Variants in ACOT13 observed in about 807,000 individuals in gnomAD.
ACOT13 encodes acyl-coenzyme A thioesterase 13.
ACOT13 carries 10 observed loss-of-function variants against 11.8 expected under a neutral mutation model. The observed-to-expected ratio is 0.85, with a 90% confidence interval of 0.53 to 1.44. The LOEUF (loss-of-function observed/expected upper bound fraction) is 1.44. ACOT13 is among the 40% of genes most tolerant of loss of function. The pLI is 0.00. For missense variants in ACOT13, 172 were observed against 174.1 expected, an observed-to-expected ratio of 0.99 and a Z score of 0.07; for synonymous variants, 53 against 61.0, an observed-to-expected ratio of 0.87 and a Z score of 0.61.
intron 1 of ACOT13, among the ~76,000 whole-genome samples, chr6:24,686,782 C>T (rs1448209083): frequency 6.6e-6 from 1 of 151,984 alleles, no homozygotes; most frequent in Non-Finnish European, 1.5e-5. Context: ...CTCACTGCAG[C>T]CTCAACCTCC....
rs898799126 is a variant in ACOT13 at position 24,703,935 on chromosome 6, CAT to C, written c.*2322_*2323del. 4 of 152,126 alleles carry C rather than the reference CAT, an allele frequency of 2.6e-5. No homozygotes were observed. The highest frequency in any genetic ancestry group is 7.2e-5 in the African/African-American group (3 of 41,418). 9.4% of individuals were successfully genotyped at this position (152,126 alleles called of 1,614,324 possible). A position where few individuals can be genotyped will look rare whatever the true frequency, so the allele number is the denominator to read the frequency against. On this transcript the variant is annotated 3_prime_UTR_variant, in exon 3 of 3. Coordinates refer to ENST00000230048, the MANE Select transcript of ACOT13 (RefSeq NM_018473.4). ...AAAAATTGCCCTGTACTCCAAAAAA[CAT>C]AGAGGTCATGGAACACATAAAGGCT...
At chr6:24,689,456 T>TA (rs1198457772) in intron 1 of ACOT13, among the ~76,000 whole-genome samples, 2 of 151,984 alleles carry the variant, frequency 1.3e-5, no homozygotes, top group Non-Finnish European at 2.9e-5. Context: ...ACCCCATCTC[T>TA]AAAAAAATTA....
rs563020332 is a variant in ACOT13, at chr6:24,685,332, C to CTTTTTTTTTTTTTTTTTTTT, written c.82-12538_82-12519dup. 1.7e-5 allele frequency among the ~76,000 whole-genome samples: 2 copies of CTTTTTTTTTTTTTTTTTTTT among 116,784 alleles called. 1 individual carries two copies. Among genetic ancestry groups the CTTTTTTTTTTTTTTTTTTTT allele is most frequent in the Non-Finnish European group, 3.6e-5 (2 of 55,534 alleles). 76.6% of individuals were successfully genotyped at this position (116,784 alleles called of 152,430 possible). Reference sequence around the variant, plus strand: ...ACATGGTCTCTTTCCTTTTACTGTACTTTTTTTTTTTTTTTTTTTTTTTTT... The same window carrying CTTTTTTTTTTTTTTTTTTTT: ...ACATGGTCTCTTTCCTTTTACTGTACTTTTTTTTTTTTTTTTTTTTTTTTTTTTTTTTTTTTTTTTTTTTT... On this transcript the variant is annotated intron_variant, in intron 1 of 2. Transcript: ENST00000230048.
rs112478870 is a variant in ACOT13, at chr6:24,702,221, C to A, written c.*606C>A. 5,835 of 152,648 alleles carry A rather than the reference C, an allele frequency of 0.038. 138 individuals are homozygous for A. Among genetic ancestry groups the A allele is most frequent in the African/African-American group, 0.064 (2,649 of 41,568 alleles). The allele number at this position is 152,648 out of a possible 1,614,324, so 9.5% of individuals were successfully genotyped here. A position where few individuals can be genotyped will look rare whatever the true frequency, so the allele number is the denominator to read the frequency against. ...TGCCCCCTGGGTTCAAGTGATTCTC[C>A]TGCCTCAGCCTCCCAAGTAGCTGGG... On this transcript the variant is annotated 3_prime_UTR_variant, in exon 3 of 3. Coordinates refer to ENST00000230048, the MANE Select transcript of ACOT13 (RefSeq NM_018473.4).
chr6:24,685,381 C>T (rs542069887), intron 1 of ACOT13, among the ~76,000 whole-genome samples: 1 of 130,736 alleles, frequency 7.6e-6, no homozygotes, highest in Non-Finnish European at 1.6e-5. Flanking sequence ...GAGTCTTGCT[C>T]TGTTGCCCAG....
At chr6:24,683,214 A>T (rs1298850786) in intron 1 of ACOT13, among the ~76,000 whole-genome samples, 2 of 152,150 alleles carry the variant, frequency 1.3e-5, no homozygotes, top group African/African-American at 4.8e-5. Context: ...GAACCCCAAA[A>T]ATTTGAGACA....
At chr6:24,671,164 T>C (rs1778357169) in intron 1 of ACOT13, among the ~76,000 whole-genome samples, 1 of 152,160 alleles carries the variant, frequency 6.6e-6, no homozygotes. Context: ...CATGCACATG[T>C]ATGTTTATTG....
chr6:24,667,444 G>A (rs1778278552), intron 1 of ACOT13, 100 bp downstream of exon 1: 1 of 1,091,346 alleles, frequency 9.2e-7, no homozygotes, highest in Non-Finnish European at 1.4e-6. Flanking sequence ...CTCTTGTTAG[G>A]TTGTGTTCTA....
intron 1 of ACOT13, among the ~76,000 whole-genome samples, chr6:24,697,187 T>G (rs1778809627): frequency 6.6e-6 from 1 of 152,274 alleles, no homozygotes; most frequent in Non-Finnish European, 1.5e-5. Flanking sequence ...CTTACTTTGC[T>G]GGATTTTATT....
chr6:24,697,119 CATGTA>C, intron 1 of ACOT13, among the ~76,000 whole-genome samples: 1 of 152,322 alleles, frequency 6.6e-6, no homozygotes, highest in East Asian at 1.9e-4. Context: ...GTTTATCTTT[CATGTA>C]ATACTTTTTC....
chr6:24,671,558 A>G (rs1778366322), intron 1 of ACOT13, among the ~76,000 whole-genome samples: 1 of 152,200 alleles, frequency 6.6e-6, no homozygotes. Context: ...ACATGTATAC[A>G]TATGTAACAA....
Position 24,702,712 on chromosome 6 carries a change from A to T in ACOT13, c.*1097A>T, listed in dbSNP as rs1259082901. On this transcript the variant is annotated 3_prime_UTR_variant, in exon 3 of 3. Transcript: ENST00000230048. ...AATAGATTGAGCCATATGCCTAAAAAAGACCTCAAGAAAAGTTTGAGGCTA... is the reference window on the plus strand; with the variant it reads ...AATAGATTGAGCCATATGCCTAAAATAGACCTCAAGAAAAGTTTGAGGCTA... 1 of 152,224 alleles carries T rather than the reference A, an allele frequency of 6.6e-6. No homozygotes were observed. Among genetic ancestry groups the T allele is most frequent in the Non-Finnish European group, 1.5e-5 (1 of 68,038 alleles). 9.4% of individuals were successfully genotyped at this position (152,224 alleles called of 1,614,324 possible).
chr6:24,685,100 G>A (rs1026397098), intron 1 of ACOT13, among the ~76,000 whole-genome samples: 5 of 151,968 alleles, frequency 3.3e-5, no homozygotes, highest in Non-Finnish European at 5.9e-5. Flanking sequence ...CTTACAGTAC[G>A]TCTGAGTTCA....
rs535157331 is a variant in ACOT13, at chr6:24,695,364, T to A, written c.82-2519T>A. On this transcript the variant is annotated intron_variant, in intron 1 of 2. Transcript: ENST00000230048. Reference sequence around the variant, plus strand: ...ACTACCTTTGCTGTCTACAAGCCGCTCGTATTTAGTTCTATTTCTTCAACT... The same window carrying A: ...ACTACCTTTGCTGTCTACAAGCCGCACGTATTTAGTTCTATTTCTTCAACT... Among the ~76,000 whole-genome samples, 4 of 152,236 alleles carry A rather than the reference T, an allele frequency of 2.6e-5. No homozygotes were observed. The East Asian group carries it at 7.7e-4, about 29-fold the overall frequency.
intron 1 of ACOT13, among the ~76,000 whole-genome samples, chr6:24,682,261 C>T (rs927489267): frequency 6.6e-5 from 10 of 152,200 alleles, no homozygotes; most frequent in African/African-American, 2.4e-4. Flanking sequence ...ATATTACTCA[C>T]CGCTTTGGAT....
intron 1 of ACOT13, among the ~76,000 whole-genome samples, chr6:24,695,635 A>AT (rs921931650): frequency 6.6e-6 from 1 of 152,178 alleles, no homozygotes; most frequent in Admixed American, 6.5e-5. Context: ...AACTTCATTC[A>AT]TTTTTTACAT....
intron 1 of ACOT13, among the ~76,000 whole-genome samples, chr6:24,669,994 G>A (rs1301519012): frequency 6.6e-6 from 1 of 152,050 alleles, no homozygotes; most frequent in African/African-American, 2.4e-5. Context: ...TTATTTTGGA[G>A]ACTTGTAGCC....
chr6:24,667,318 C>T lies in ACOT13; in HGVS notation c.55C>T (p.Arg19Cys), dbSNP rs199497770. The T allele has an allele frequency of 5.0e-6, 8 of 1,614,020 alleles. No homozygotes were observed. The highest frequency in any genetic ancestry group is 3.3e-4 in the Middle Eastern group (2 of 6,062). Reference protein sequence around the residue: ...REVIKAMTKARNFERVLGKIT... With the variant: ...REVIKAMTKACNFERVLGKIT... ...GGTGATAAAGGCCATGACCAAGGCT[C>T]GCAATTTTGAGAGAGTTTTGGGAAA... The change falls in exon 1 of 3, where the codon CGC (arginine) becomes TGC (cysteine). Residue 19 changes from arginine (R) to cysteine (C), a missense_variant. By Grantham distance (180) the Arg-to-Cys change is radical. Coordinates refer to ENST00000230048, the MANE Select transcript of ACOT13 (RefSeq NM_018473.4).
chr6:24,668,107 C>T (rs979685638), intron 1 of ACOT13, among the ~76,000 whole-genome samples: 2 of 151,728 alleles, frequency 1.3e-5, no homozygotes, highest in Admixed American at 1.3e-4. Context: ...AGGGTTTCTC[C>T]ATGTTGGTCA....
Sources: allele counts gnomAD v4.1 joint callset (sites outside exome capture counted in the v4.1 genomes callset), GRCh38; gene constraint gnomAD v4.1.1; transcripts MANE v1.5; gene names NCBI Gene and HGNC (gene_info 2026-07-23, HGNC 2026-07-21).